Variants in HS6ST3 observed in about 807,000 individuals in gnomAD.
HS6ST3 encodes the protein heparan sulfate 6-O-sulfotransferase 3, also known as heparan-sulfate 6-O-sulfotransferase 3.
HS6ST3 carries 12 observed loss-of-function variants against 36.7 expected under a neutral mutation model. That is an observed-to-expected ratio of 0.33 (90% CI 0.21 to 0.53). The LOEUF (loss-of-function observed/expected upper bound fraction) is 0.53. Ranked by LOEUF, HS6ST3 falls within the 20% of genes least tolerant of loss-of-function variation. The probability of loss-of-function intolerance (pLI) is 0.95; values close to 1 mark genes in which losing one functional copy is unlikely to be tolerated. For missense variants in HS6ST3, 584 were observed against 640.9 expected (o/e 0.91, Z 0.96); for synonymous variants, 240 against 257.5 (o/e 0.93, Z 0.65).
intron 1 of HS6ST3, among the ~76,000 whole-genome samples, chr13:96,810,546 G>T (rs139198789): frequency 6.6e-6 from 1 of 152,308 alleles, no homozygotes; most frequent in African/African-American, 2.4e-5. Flanking sequence ...AAACCCTGGA[G>T]GTTGGTACTA....
chr13:96,437,549 T>C (rs568755629), intron 1 of HS6ST3, among the ~76,000 whole-genome samples: 2 of 152,232 alleles, frequency 1.3e-5, no homozygotes, highest in Non-Finnish European at 2.9e-5. Context: ...TGCTTAATTC[T>C]TGAATTAAAT....
intron 1 of HS6ST3, among the ~76,000 whole-genome samples, chr13:96,530,541 C>T (rs1345627356): frequency 6.9e-6 from 1 of 145,346 alleles, no homozygotes; most frequent in Non-Finnish European, 1.5e-5. Flanking sequence ...CTCACTTTGT[C>T]GCCCAGGCTT....
At chr13:96,302,413 T>G (rs1232195667) in intron 1 of HS6ST3, among the ~76,000 whole-genome samples, 2 of 152,196 alleles carry the variant, frequency 1.3e-5, no homozygotes, top group Non-Finnish European at 2.9e-5. Context: ...TGAAGATTAC[T>G]TAAGGATATG....
intron 1 of HS6ST3, among the ~76,000 whole-genome samples, chr13:96,400,604 A>T (rs756855866): frequency 6.6e-6 from 1 of 152,082 alleles, no homozygotes; most frequent in Non-Finnish European, 1.5e-5. Flanking sequence ...TTTGAACAGG[A>T]GCATATCAGA....
At chr13:96,578,254 C>G (rs918389930) in intron 1 of HS6ST3, among the ~76,000 whole-genome samples, 1 of 152,206 alleles carries the variant, frequency 6.6e-6, no homozygotes, top group African/African-American at 2.4e-5. Flanking sequence ...CCATCCTGAA[C>G]AGGGCCTAGT....
At chr13:96,151,466 T>C (rs138315861) in intron 1 of HS6ST3, among the ~76,000 whole-genome samples, 1 of 151,438 alleles carries the variant, frequency 6.6e-6, no homozygotes, top group African/African-American at 2.4e-5. Context: ...CAAGTTCCAT[T>C]AAAAAACAAT....
At chr13:96,802,179 C>T (rs1299992346) in intron 1 of HS6ST3, among the ~76,000 whole-genome samples, 4 of 152,082 alleles carry the variant, frequency 2.6e-5, no homozygotes, top group African/African-American at 7.2e-5. Context: ...ACCTGTAAAC[C>T]GGTCCTTTAC....
intron 1 of HS6ST3, among the ~76,000 whole-genome samples, chr13:96,349,303 T>A (rs559715435): frequency 6.6e-6 from 1 of 152,222 alleles, no homozygotes; most frequent in African/African-American, 2.4e-5. Context: ...GAGTTTCTTT[T>A]CTGCAGTATT....
intron 1 of HS6ST3, among the ~76,000 whole-genome samples, chr13:96,675,297 G>A (rs2056695531): frequency 6.6e-6 from 1 of 151,752 alleles, no homozygotes; most frequent in African/African-American, 2.4e-5. Context: ...ATTTTGAGAT[G>A]AATATATATA....
chr13:96,376,071 A>G (rs1407109677), intron 1 of HS6ST3, among the ~76,000 whole-genome samples: 1 of 152,186 alleles, frequency 6.6e-6, no homozygotes, highest in Non-Finnish European at 1.5e-5. Flanking sequence ...ACCCCGAATG[A>G]TCAACATAAT....
intron 1 of HS6ST3, among the ~76,000 whole-genome samples, chr13:96,671,813 A>C (rs2056683636): frequency 6.6e-6 from 1 of 152,090 alleles, no homozygotes; most frequent in South Asian, 2.1e-4. Flanking sequence ...TCACATTCTG[A>C]GGTAGGATGG....
At chr13:96,153,513 A>G (rs536817984) in intron 1 of HS6ST3, among the ~76,000 whole-genome samples, 1 of 152,154 alleles carries the variant, frequency 6.6e-6, no homozygotes, top group African/African-American at 2.4e-5. Flanking sequence ...CCGCTATGTG[A>G]AAGGTTAGGT....
intron 1 of HS6ST3, among the ~76,000 whole-genome samples, chr13:96,302,989 G>A (rs188421016): frequency 2.0e-5 from 3 of 152,180 alleles, no homozygotes; most frequent in Admixed American, 1.3e-4. Context: ...GCTGTTTATG[G>A]CTATTTTCAT....
intron 1 of HS6ST3, among the ~76,000 whole-genome samples, chr13:96,713,558 G>C (rs916385553): frequency 6.6e-6 from 1 of 152,146 alleles, no homozygotes; most frequent in Admixed American, 6.5e-5. Flanking sequence ...AGGAGATTAT[G>C]CTACTGAGTA....
At chr13:96,488,368 T>C (rs2055926806) in intron 1 of HS6ST3, among the ~76,000 whole-genome samples, 2 of 152,162 alleles carry the variant, frequency 1.3e-5, no homozygotes, top group Non-Finnish European at 2.9e-5. Context: ...GCCTCTAAGA[T>C]GAAAGCTTTA....
intron 1 of HS6ST3, among the ~76,000 whole-genome samples, chr13:96,128,455 A>G (rs542060189): frequency 2.0e-5 from 3 of 152,312 alleles, no homozygotes; most frequent in Admixed American, 6.5e-5. Flanking sequence ...ACTAAGTGGA[A>G]GAAGTTGCAA....
At chr13:96,813,008 G>C (rs16953595) in intron 1 of HS6ST3, among the ~76,000 whole-genome samples, 30,331 of 152,054 alleles carry the variant, frequency 0.2, 3,131 homozygotes, top group African/African-American at 0.24. Flanking sequence ...CTATGCTCTC[G>C]TCTGATCACA....
Position 96,508,288 on chromosome 13 carries a change from T to A in HS6ST3, c.708-324202T>A, listed in dbSNP as rs546020611. On this transcript the variant is annotated intron_variant, in intron 1 of 1. Transcript: ENST00000376705. ...AGTTTTCTACTTGTAGTTTTCATTT[T>A]TTTTGCCTTTATTTATTCCATAACT... is the stretch of plus-strand genomic sequence containing the variant. Among the ~76,000 whole-genome samples, 16 of 152,196 alleles carry A rather than the reference T, an allele frequency of 1.1e-4. No homozygotes were observed. The South Asian group carries it at 2.5e-3, about 24-fold the overall frequency.
intron 1 of HS6ST3, among the ~76,000 whole-genome samples, chr13:96,684,776 T>C (rs1345323472): frequency 6.6e-6 from 1 of 152,046 alleles, no homozygotes; most frequent in Non-Finnish European, 1.5e-5. Context: ...CTAATTACAA[T>C]GCACTTCACA....
Sources: allele counts gnomAD v4.1 joint callset (sites outside exome capture counted in the v4.1 genomes callset), GRCh38; gene constraint gnomAD v4.1.1; transcripts MANE v1.5; gene names NCBI Gene and HGNC (gene_info 2026-07-23, HGNC 2026-07-21).